Variants in FAM117A observed in about 807,000 individuals in gnomAD.
FAM117A encodes family with sequence similarity 117 member A, also known as protein FAM117A.
Under a neutral mutation model 44.1 loss-of-function variants are expected in FAM117A, and 21 were observed. The observed-to-expected ratio is 0.48, with a 90% CI of 0.34 to 0.69. The LOEUF is 0.69. FAM117A is among the 30% of genes least tolerant of loss of function. The pLI, the probability that FAM117A is intolerant of heterozygous loss-of-function variation, is 0.01. For synonymous variants in FAM117A, 220 were observed against 238.3 expected, an observed-to-expected ratio of 0.92 and a Z score of 0.71; for missense variants, 498 against 589.9, an observed-to-expected ratio of 0.84 and a Z score of 1.61.
chr17:49,764,295 G>A (rs1175812036), upstream of FAM117A: 4 of 320,160 alleles, frequency 1.2e-5, no homozygotes, highest in Admixed American at 5.0e-5. Context: ...TGAGCCTAGC[G>A]ATCCAAGCCA....
At chr17:49,786,851 A>AGGCC (rs1328304811) in intron 1 of FAM117A, among the ~76,000 whole-genome samples, 1 of 151,678 alleles carries the variant, frequency 6.6e-6, no homozygotes, top group Non-Finnish European at 1.5e-5. Context: ...GCACTCTGGA[A>AGGCC]GGCCGAGACA....
At chr17:49,787,786 CATT>C (rs1422761742) in intron 1 of FAM117A, among the ~76,000 whole-genome samples, 2 of 152,210 alleles carry the variant, frequency 1.3e-5, no homozygotes, top group African/African-American at 4.8e-5. Flanking sequence ...TAGGCCCTCT[CATT>C]ATTATTTAAA....
intron 3 of FAM117A, among the ~76,000 whole-genome samples, chr17:49,720,907 G>A (rs1187448040): frequency 6.6e-6 from 1 of 152,004 alleles, no homozygotes; most frequent in African/African-American, 2.4e-5. Flanking sequence ...TAGAGATGGG[G>A]TTTCACCATG....
Position 49,717,609 on chromosome 17 carries a change from A to C in FAM117A, c.814T>G (p.Ser272Ala). Reference sequence around the variant, plus strand: ...GGCTGGGGAGATGCCAAGGACATGGAAGGAGAGCTGGCAAGGTTGCCAGGC... The same window carrying C: ...GGCTGGGGAGATGCCAAGGACATGGCAGGAGAGCTGGCAAGGTTGCCAGGC... ...LEPGNLASSP[S>A]MSLASPQPCG... Residue 272 changes from serine (S) to alanine (A), a missense_variant, in exon 6 of 8, where the codon TCC becomes GCC. By Grantham distance (99) the Ser-to-Ala change is moderately conservative. Around this residue, in one of 3 missense-constraint regions of FAM117A, gnomAD observed 224 missense variants for 296.5 expected, o/e 0.76. Transcript: ENST00000240364. 6.2e-7 allele frequency: 1 copy of C among 1,614,172 alleles called. No individual in the cohort carries two copies. Among genetic ancestry groups the C allele is most frequent in the East Asian group, 2.2e-5 (1 of 44,882 alleles).
intron 1 of FAM117A, among the ~76,000 whole-genome samples, chr17:49,782,689 C>CAA (rs74562078): frequency 0.062 from 3,411 of 55,438 alleles, 172 homozygotes; most frequent in African/African-American, 0.15. Flanking sequence ...GACTTTGTCT[C>CAA]AAAAAAAAAA....
intron 1 of FAM117A, among the ~76,000 whole-genome samples, chr17:49,742,769 A>G (rs1293563174): frequency 6.6e-6 from 1 of 152,248 alleles, no homozygotes; most frequent in Non-Finnish European, 1.5e-5. Context: ...TCTCACAGGA[A>G]TCTGATTTCC....
chr17:49,781,934 C>T (rs1208886244), intron 1 of FAM117A, among the ~76,000 whole-genome samples: 2 of 152,058 alleles, frequency 1.3e-5, no homozygotes, highest in Non-Finnish European at 2.9e-5. Context: ...GGTGATTGTG[C>T]CACTGCACTC....
chr17:49,760,753 G>C (rs760737893), intron 1 of FAM117A, among the ~76,000 whole-genome samples: 4 of 152,182 alleles, frequency 2.6e-5, no homozygotes, highest in Non-Finnish European at 5.9e-5. Context: ...TCACCTCCTA[G>C]TCCTATTTTG....
intron 1 of FAM117A, among the ~76,000 whole-genome samples, chr17:49,779,087 C>T (rs1451994002): frequency 6.6e-6 from 1 of 152,130 alleles, no homozygotes; most frequent in East Asian, 1.9e-4. Context: ...CCTGCACACT[C>T]CTAAGGAATT....
intron 2 of FAM117A, chr17:49,724,280 A>AC: frequency 2.2e-6 from 1 of 450,216 alleles, no homozygotes; most frequent in Non-Finnish European, 4.5e-6. Flanking sequence ...TGGGCCCCGC[A>AC]CCCCCCACAC....
intron 1 of FAM117A, among the ~76,000 whole-genome samples, chr17:49,739,670 T>C (rs2073625045): frequency 6.6e-6 from 1 of 152,182 alleles, no homozygotes; most frequent in South Asian, 2.1e-4. Flanking sequence ...GATGAACTGG[T>C]TTCATTTCTG....
upstream of FAM117A, chr17:49,788,748 G>A (rs1480952775): frequency 1.0e-5 from 15 of 1,448,114 alleles, no homozygotes; most frequent in Non-Finnish European, 1.4e-5. Context: ...GACTGATACA[G>A]AGGCCGCCAC....
intron 1 of FAM117A, among the ~76,000 whole-genome samples, chr17:49,782,248 G>A (rs1211714655): frequency 6.6e-6 from 1 of 151,502 alleles, no homozygotes; most frequent in African/African-American, 2.4e-5. Flanking sequence ...GTGGTGGTGG[G>A]CGCCTGTAGT....
At chr17:49,757,418 C>T (rs1028296358) in intron 1 of FAM117A, among the ~76,000 whole-genome samples, 3 of 152,220 alleles carry the variant, frequency 2.0e-5, no homozygotes, top group Non-Finnish European at 2.9e-5. Flanking sequence ...TCGATCAAGG[C>T]ATATGTGGGC....
chr17:49,719,570 AG>A (rs1341344678), intron 5 of FAM117A, 189 bp downstream of exon 5: 1 of 644,380 alleles, frequency 1.6e-6, no homozygotes, highest in Non-Finnish European at 2.5e-6. Context: ...AGCCTGCCCT[AG>A]TGACATGGGT....
intron 1 of FAM117A, among the ~76,000 whole-genome samples, chr17:49,788,248 T>G (rs1454153554): frequency 6.6e-6 from 1 of 152,226 alleles, no homozygotes; most frequent in Non-Finnish European, 1.5e-5. Context: ...ATACAAAGTT[T>G]CTTTTACAAA....
At chr17:49,716,060 A>G in intron 7 of FAM117A, 105 bp downstream of exon 7, 1 of 1,287,160 alleles carries the variant, frequency 7.8e-7, no homozygotes, top group Non-Finnish European at 1.1e-6. Context: ...CTTATCATCT[A>G]AAGTTGACAA....
At chr17:49,779,845 G>A (rs1429112035) in intron 1 of FAM117A, among the ~76,000 whole-genome samples, 2 of 152,200 alleles carry the variant, frequency 1.3e-5, no homozygotes, top group Non-Finnish European at 2.9e-5. Context: ...TTTCCTTCCA[G>A]TCATATCTTT....
At chr17:49,725,908 G>A (rs997389906) in intron 2 of FAM117A, among the ~76,000 whole-genome samples, 14 of 152,200 alleles carry the variant, frequency 9.2e-5, no homozygotes, top group Admixed American at 2.6e-4. Context: ...AGAGGATAAA[G>A]CGATATGACC....
Sources: gnomAD v4.1 joint callset for allele counts (sites outside exome capture counted in the v4.1 genomes callset) on GRCh38, gnomAD v4.1.1 for gene constraint, gnomAD v4.1.1 regional missense constraint, MANE v1.5 for transcripts, NCBI Gene and HGNC (gene_info 2026-07-23, HGNC 2026-07-21) for gene names.